The following ARAP2 variants were observed in gnomAD, a reference collection of about 807,000 sequenced individuals.
The protein encoded by ARAP2 is arf-GAP with Rho-GAP domain, ANK repeat and PH domain-containing protein 2.
In ARAP2, 148 loss-of-function variants were observed where a neutral mutation model predicts 194.5. That is an observed-to-expected ratio of 0.76 (90% confidence interval 0.67 to 0.87). The LOEUF is 0.87. Among genes scored for constraint, ARAP2 ranks in the 40% least tolerant of loss-of-function variants. The pLI is 0.00. For missense variants in ARAP2, 2,128 were observed against 1,989.7 expected (o/e 1.07, Z -1.32); for synonymous variants, 695 against 683.5 (o/e 1.02, Z -0.26).
intron 22 of ARAP2, among the ~76,000 whole-genome samples, chr4:36,123,141 C>A (rs1723054418): frequency 6.6e-6 from 1 of 151,782 alleles, no homozygotes; most frequent in South Asian, 2.1e-4. Context: ...AATGTCTATG[C>A]TTTTACAGTA....
downstream of ARAP2, among the ~76,000 whole-genome samples, chr4:36,064,627 C>A (rs538439047): frequency 6.6e-6 from 1 of 152,288 alleles, no homozygotes; most frequent in Non-Finnish European, 1.5e-5. Context: ...GAGGGTCCCA[C>A]AGGAATATGT....
chr4:36,080,518 G>A (rs1289708470), intron 30 of ARAP2, among the ~76,000 whole-genome samples: 1 of 152,182 alleles, frequency 6.6e-6, no homozygotes, highest in Non-Finnish European at 1.5e-5. Flanking sequence ...CCTTTGGTAA[G>A]TGCTGCAAAA....
chr4:36,082,741 T>C (rs1364186842), intron 29 of ARAP2, among the ~76,000 whole-genome samples: 2 of 152,150 alleles, frequency 1.3e-5, no homozygotes, highest in Non-Finnish European at 2.9e-5. Flanking sequence ...ATGATGTTCA[T>C]GATACTAAGT....
chr4:36,097,802 A>C (rs1383937819), intron 27 of ARAP2, among the ~76,000 whole-genome samples: 1 of 152,090 alleles, frequency 6.6e-6, no homozygotes, highest in Non-Finnish European at 1.5e-5. Flanking sequence ...TGAATCATAA[A>C]ACCCTCCCTT....
chr4:36,159,625 G>T, intron 13 of ARAP2, 120 bp from the exon 14 acceptor site: 6 of 898,646 alleles, frequency 6.7e-6, no homozygotes, highest in Non-Finnish European at 8.9e-6. Flanking sequence ...TTATCCTAAG[G>T]CGGCTAATAA....
At position 36,113,255 on chromosome 4, in the gene ARAP2, C is replaced by CG. The variant is rs369634839; in HGVS notation, c.4156+914_4156+915insC. On this transcript the variant is annotated intron_variant, in intron 26 of 32. Coordinates refer to ENST00000303965, the MANE Select transcript of ARAP2 (RefSeq NM_015230.4). The stretch of plus-strand genomic sequence containing the variant: ...GGATTGAGACCGATTGAGGGAGACA[C>CG]TGTGAACTGACATCAAAGTACCATA... Among the ~76,000 whole-genome samples the CG allele has an allele frequency of 5.3e-3, 812 of 152,018 alleles. 11 individuals carry two copies. Among genetic ancestry groups the CG allele is most frequent in the African/African-American group, 0.018 (766 of 41,532 alleles).
chr4:36,046,488 C>G (rs974131849), intron 4 of ARAP2, among the ~76,000 whole-genome samples: 5 of 152,026 alleles, frequency 3.3e-5, no homozygotes, highest in African/African-American at 1.2e-4. Flanking sequence ...TGCACCTGGC[C>G]TATAGGTGCA....
In ARAP2 at chr4:36,158,781, G is replaced by C; in HGVS notation, c.2701C>G (p.Gln901Glu). 3.1e-6 allele frequency: 5 copies of C among 1,612,000 alleles called. No individual in the cohort carries two copies. Among genetic ancestry groups the C allele is most frequent in the Non-Finnish European group, 4.2e-6 (5 of 1,179,218 alleles). ...QSTFLCDFLY[Q>E]APSAASKLSS... is the part of the protein sequence containing the mutation. ...AGTTTAGAAGCAGCAGAAGGAGCTT[G>C]ATATAAAAAGTCACAGAGGAATGTG... Residue 901 changes from glutamine (Q) to glutamate (E), a missense_variant, in exon 15 of 33, where the codon CAA becomes GAA. By Grantham distance (29) the Gln-to-Glu change is conservative. Transcript: ENST00000303965.
intron 2 of ARAP2, among the ~76,000 whole-genome samples, chr4:36,227,963 C>A (rs1042432925): frequency 2.0e-5 from 3 of 152,160 alleles, no homozygotes; most frequent in Non-Finnish European, 4.4e-5. Flanking sequence ...AGAACCTACA[C>A]TGGTAGAGCC....
At chr4:36,151,158 T>C (rs1730876713) in intron 15 of ARAP2, 114 bp from the exon 16 acceptor site, 2 of 945,332 alleles carry the variant, frequency 2.1e-6, no homozygotes, top group Admixed American at 3.0e-5. Context: ...TTTATTAATT[T>C]CCTATTTCAC....
chr4:36,161,132 AAC>A (rs1391197751), intron 12 of ARAP2, among the ~76,000 whole-genome samples: 1 of 129,634 alleles, frequency 7.7e-6, no homozygotes, highest in Non-Finnish European at 1.6e-5. Context: ...TTGGGTTTAA[AAC>A]ACACACACAC....
intron 28 of ARAP2, among the ~76,000 whole-genome samples, chr4:36,086,018 A>G (rs1711689600): frequency 6.6e-6 from 1 of 152,060 alleles, no homozygotes; most frequent in African/African-American, 2.4e-5. Flanking sequence ...AAGTGCCCAC[A>G]GTAGGATATA....
chr4:36,127,523 A>C (rs886244733), intron 21 of ARAP2, among the ~76,000 whole-genome samples: 1 of 152,010 alleles, frequency 6.6e-6, no homozygotes, highest in Non-Finnish European at 1.5e-5. Flanking sequence ...TAATCTCTTT[A>C]AATATATCAC....
intron 2 of ARAP2, chr4:36,052,066 G>GCAAGTTAAAT (rs1393204361): frequency 1.3e-5 from 2 of 152,176 alleles, no homozygotes; most frequent in Non-Finnish European, 2.9e-5. Context: ...GAAAAATAGA[G>GCAAGTTAAAT]CAAGTTAAAT....
At chr4:36,041,353 T>C (rs907991299) in intron 5 of ARAP2, among the ~76,000 whole-genome samples, 1 of 151,954 alleles carries the variant, frequency 6.6e-6, no homozygotes, top group Non-Finnish European at 1.5e-5. Context: ...TACAAGCCCA[T>C]TAAAAAGAGG....
Position 36,067,858 on chromosome 4 carries a change from T to C in ARAP2, c.*49A>G, listed in dbSNP as rs1322856335. The stretch of plus-strand genomic sequence containing the variant: ...TCAGTTTTGGAGTTACACATAAAGA[T>C]TGCATACAATATTAAAAAAATAATC... On this transcript the variant is annotated 3_prime_UTR_variant, in exon 33 of 33. Coordinates refer to ENST00000303965, the MANE Select transcript of ARAP2 (RefSeq NM_015230.4). The C allele has an allele frequency of 6.6e-7, 1 of 1,514,876 alleles. No individual in the cohort carries two copies. 93.8% of individuals were successfully genotyped at this position (1,514,876 alleles called of 1,614,324 possible).
intron 27 of ARAP2, among the ~76,000 whole-genome samples, chr4:36,099,301 C>G (rs1339632236): frequency 6.6e-6 from 1 of 152,032 alleles, no homozygotes. Context: ...TCCAGTCTAT[C>G]GTTGATGAGT....
intron 15 of ARAP2, among the ~76,000 whole-genome samples, chr4:36,153,354 T>G (rs903803370): frequency 6.6e-6 from 1 of 152,146 alleles, no homozygotes; most frequent in Non-Finnish European, 1.5e-5. Flanking sequence ...TTTGGGCCAA[T>G]TTAGATATTC....
chr4:36,067,060 A>T lies in ARAP2; in HGVS notation c.*847T>A, dbSNP rs1725637545. 6.6e-6 allele frequency: 1 copy of T among 152,242 alleles called. No homozygotes were observed. The highest frequency in any genetic ancestry group is 6.5e-5 in the Admixed American group (1 of 15,288). 9.4% of individuals were successfully genotyped at this position (152,242 alleles called of 1,614,324 possible). The stretch of plus-strand genomic sequence containing the variant: ...AAAGACAAAATGCTTGCATACAATG[A>T]CAGTGCAATCAGCATCCAGGCCAGG... On this transcript the variant is annotated 3_prime_UTR_variant, in exon 33 of 33. Coordinates refer to ENST00000303965, the MANE Select transcript of ARAP2 (RefSeq NM_015230.4).
Sources: allele counts gnomAD v4.1 joint callset (sites outside exome capture counted in the v4.1 genomes callset), GRCh38; gene constraint gnomAD v4.1.1; transcripts MANE v1.5; gene names NCBI Gene and HGNC (gene_info 2026-07-23, HGNC 2026-07-21).